Variants in PHF24 observed in about 807,000 individuals in gnomAD.
PHF24 encodes Galpha inhibitory interacting protein.
In PHF24, 25 loss-of-function variants were observed where a neutral mutation model predicts 42.6. That is an observed-to-expected ratio of 0.59 (90% CI 0.43 to 0.82). The LOEUF (loss-of-function observed/expected upper bound fraction) is 0.82, where lower values mean the gene tolerates loss of function less well. PHF24 is among the 40% of genes least tolerant of loss of function. The pLI is 0.00. For missense variants in PHF24, 470 were observed against 538.1 expected (o/e 0.87, Z 1.25); for synonymous variants, 185 against 204.8 (o/e 0.90, Z 0.83).
the PHF24 span, among the ~76,000 whole-genome samples, chr9:34,683,885 C>T: frequency 1.3e-5 from 2 of 152,156 alleles, no homozygotes; most frequent in African/African-American, 4.8e-5. Context: ...GGGCAAGGGC[C>T]CCAGTTGTCT....
chr9:34,753,204 C>T, the PHF24 span, among the ~76,000 whole-genome samples: 1 of 151,908 alleles, frequency 6.6e-6, no homozygotes, highest in Non-Finnish European at 1.5e-5. Flanking sequence ...AGGGCAAAAA[C>T]ATCAAATTAT....
At chr9:34,852,468 A>G in the PHF24 span, among the ~76,000 whole-genome samples, 8 of 152,218 alleles carry the variant, frequency 5.3e-5, no homozygotes, top group Middle Eastern at 3.2e-3. Flanking sequence ...GTCTGGGAGT[A>G]AAGAACACCT....
chr9:34,976,139 T>C lies in PHF24; in HGVS notation c.565-13T>C. ...CCTGTATGGCCACCGACTCAGCTCT[T>C]CCTTATTTTCAGGACAACATCAACT... On this transcript the variant is annotated splice_polypyrimidine_tract_variant and intron_variant, in intron 3 of 7. Transcript: ENST00000242315. 6.2e-7 allele frequency: 1 copy of C among 1,610,114 alleles called. No homozygotes were observed. Among genetic ancestry groups the C allele is most frequent in the Non-Finnish European group, 8.5e-7 (1 of 1,176,426 alleles).
chr9:34,691,293 A>C, the PHF24 span: 1 of 536,164 alleles, frequency 1.9e-6, no homozygotes, highest in Non-Finnish European at 3.3e-6. Flanking sequence ...CCTGCAGCTG[A>C]CTCCTATTTA....
At chr9:34,824,692 G>A in the PHF24 span, among the ~76,000 whole-genome samples, 1 of 152,182 alleles carries the variant, frequency 6.6e-6, no homozygotes, top group Non-Finnish European at 1.5e-5. Flanking sequence ...AGATAGTGTG[G>A]AGAGGGACTT....
chr9:34,841,626 G>A, the PHF24 span, among the ~76,000 whole-genome samples: 3 of 152,188 alleles, frequency 2.0e-5, no homozygotes, highest in East Asian at 3.8e-4. Flanking sequence ...GGGAGGCCGA[G>A]GCAGGCAGAT....
chr9:34,872,062 G>A, the PHF24 span, among the ~76,000 whole-genome samples: 9 of 151,910 alleles, frequency 5.9e-5, no homozygotes, highest in Non-Finnish European at 1.3e-4. Flanking sequence ...TTTCATCAGG[G>A]TTTTGCATAT....
chr9:34,876,283 TG>T, the PHF24 span, among the ~76,000 whole-genome samples: 1 of 152,162 alleles, frequency 6.6e-6, no homozygotes, highest in African/African-American at 2.4e-5. Flanking sequence ...AGATAAACTG[TG>T]GTATATCCAT....
chr9:34,846,221 G>A, the PHF24 span, among the ~76,000 whole-genome samples: 3 of 152,186 alleles, frequency 2.0e-5, no homozygotes, highest in South Asian at 4.1e-4. Flanking sequence ...CACAAACAGT[G>A]TAAAAGTGTT....
the PHF24 span, among the ~76,000 whole-genome samples, chr9:34,936,601 C>T: frequency 1.9e-4 from 28 of 150,810 alleles, 1 homozygote; most frequent in Middle Eastern, 0.01. Flanking sequence ...TCTGCCCTGC[C>T]GCCATCCCAT....
the PHF24 span, among the ~76,000 whole-genome samples, chr9:34,940,655 A>T: frequency 6.6e-6 from 1 of 152,292 alleles, no homozygotes; most frequent in African/African-American, 2.4e-5. Context: ...CTTACCTGCC[A>T]CCAAGGTGTG....
At chr9:34,894,324 A>G in the PHF24 span, 1 of 396,362 alleles carries the variant, frequency 2.5e-6, no homozygotes, top group Admixed American at 4.4e-5. Context: ...ACCAGCCTCC[A>G]CTGTGTATGT....
chr9:34,769,982 A>G, the PHF24 span, among the ~76,000 whole-genome samples: 1 of 152,166 alleles, frequency 6.6e-6, no homozygotes, highest in Non-Finnish European at 1.5e-5. Flanking sequence ...GAATACATGG[A>G]ATGATTCTTT....
chr9:34,673,811 C>CG, the PHF24 span, among the ~76,000 whole-genome samples: 1 of 152,088 alleles, frequency 6.6e-6, no homozygotes, highest in Non-Finnish European at 1.5e-5. Flanking sequence ...TTAGTAGAGA[C>CG]GGGGTTTCAC....
the PHF24 span, among the ~76,000 whole-genome samples, chr9:34,936,957 C>T: frequency 6.6e-6 from 1 of 150,600 alleles, no homozygotes; most frequent in Non-Finnish European, 1.5e-5. Context: ...ACCCGGCAGC[C>T]ACCCCGTCCG....
the PHF24 span, among the ~76,000 whole-genome samples, chr9:34,923,893 AGTTT>A: frequency 2.6e-5 from 4 of 151,514 alleles, no homozygotes; most frequent in Admixed American, 2.6e-4. Context: ...ATGCATCATT[AGTTT>A]GTTTATTTGA....
At chr9:34,878,797 A>C in the PHF24 span, among the ~76,000 whole-genome samples, 2 of 152,212 alleles carry the variant, frequency 1.3e-5, no homozygotes, top group Admixed American at 1.3e-4. Flanking sequence ...GGCAGGGCAT[A>C]GCAGAATAAA....
At chr9:34,818,649 T>C in the PHF24 span, among the ~76,000 whole-genome samples, 7 of 152,204 alleles carry the variant, frequency 4.6e-5, no homozygotes, top group African/African-American at 1.7e-4. Context: ...GTAATTTGCC[T>C]CTTTTAGCAT....
At chr9:34,691,219 C>T in the PHF24 span, 1 of 1,325,762 alleles carries the variant, frequency 7.5e-7, no homozygotes, top group Non-Finnish European at 1.1e-6. Context: ...TGTGAGGCTG[C>T]AGGGCGACTG....
Sources: gnomAD v4.1 joint callset for allele counts (sites outside exome capture counted in the v4.1 genomes callset) on GRCh38, gnomAD v4.1.1 for gene constraint, MANE v1.5 for transcripts, NCBI Gene and HGNC (gene_info 2026-07-23, HGNC 2026-07-21) for gene names.